Variants in DDX18 observed in about 807,000 individuals in gnomAD.
DDX18 encodes the protein DEAD-box helicase 18.
A neutral mutation model predicts 73.5 loss-of-function variants in DDX18; 23 were observed. The observed-to-expected ratio is 0.31, with a 90% confidence interval of 0.23 to 0.44. The LOEUF (loss-of-function observed/expected upper bound fraction) is 0.44. Among genes scored for constraint, DDX18 ranks in the 20% least tolerant of loss-of-function variants. The pLI is 1.00. For synonymous variants in DDX18, 268 were observed against 282.7 expected (o/e 0.95, Z 0.52); for missense variants, 753 against 792.9 (o/e 0.95, Z 0.60).
At chr2:117,819,238 C>T (rs986110938) in intron 2 of DDX18, among the ~76,000 whole-genome samples, 5 of 152,172 alleles carry the variant, frequency 3.3e-5, no homozygotes, top group East Asian at 1.9e-4. Flanking sequence ...GTCAGCCAGG[C>T]AAGTGGGTTG....
rs781635021 is a variant in DDX18, at chr2:117,824,484, T to A, written c.1067-85T>A. On this transcript the variant is annotated intron_variant, in intron 7 of 13. Coordinates refer to ENST00000263239, the MANE Select transcript of DDX18 (RefSeq NM_006773.4). ...AACATCATATCTCCCATTTCTGATA[T>A]CTCTACCTAGAATATTTGTAGTTGT... 4.1e-6 allele frequency: 5 copies of A among 1,210,172 alleles called. No homozygotes were observed. In the African/African-American group the frequency reaches 7.8e-5, roughly 19 times the overall value. 75.0% of individuals were successfully genotyped at this position (1,210,172 alleles called of 1,614,324 possible). A position where few individuals can be genotyped will look rare whatever the true frequency, so the allele number is the denominator to read the frequency against.
Position 117,824,936 on chromosome 2 carries a change from C to G in DDX18, c.1207-4C>G, listed in dbSNP as rs745734977. The G allele has an allele frequency of 1.9e-6, 3 of 1,601,312 alleles. No individual in the cohort carries two copies. The highest frequency in any genetic ancestry group is 8.5e-7 in the Non-Finnish European group (1 of 1,176,326). ...TTGTATCTGTCTGCTTAAACGCTTT[C>G]TAGGGATATGTTGTTTGTCCTTCTG... is the stretch of plus-strand genomic sequence containing the variant. On this transcript the variant is annotated splice_polypyrimidine_tract_variant and splice_region_variant and intron_variant, in intron 8 of 13. Coordinates refer to ENST00000263239, the MANE Select transcript of DDX18 (RefSeq NM_006773.4).
At chr2:117,820,291 G>A (rs567799712) in intron 3 of DDX18, among the ~76,000 whole-genome samples, 17 of 152,200 alleles carry the variant, frequency 1.1e-4, no homozygotes, top group Non-Finnish European at 1.6e-4. Flanking sequence ...AATTGCAAAC[G>A]TTTTGGTAGT....
At position 117,825,016 on chromosome 2, in the gene DDX18, T is replaced by A; in HGVS notation, c.1283T>A (p.Leu428His). 1 of 1,614,016 alleles carries A rather than the reference T, an allele frequency of 6.2e-7. No homozygotes were observed. ...CTTAAGAAGAACCGAAAGAAGAAGC[T>A]TATGGTCTTCTTTTCATCTTGTATG... ...TFLKKNRKKK[L>H]MVFFSSCMSV... Residue 428 changes from leucine (L) to histidine (H), a missense_variant, in exon 9 of 14, where the codon CTT becomes CAT. This residue lies in a region of DDX18 where 402 missense variants were observed against 419.4 expected (regional missense o/e 0.96). Coordinates refer to ENST00000263239, the MANE Select transcript of DDX18 (RefSeq NM_006773.4).
Position 117,832,142 on chromosome 2 carries a change from T to C in DDX18, c.*1418T>C, listed in dbSNP as rs950413768. On this transcript the variant is annotated 3_prime_UTR_variant, in exon 14 of 14. Transcript: ENST00000263239. ...ATAATTCTCTCCACGATCATGTTTT[T>C]CTGATTTTTTTTTTCAGAAATAATG... 1 of 152,012 alleles carries C rather than the reference T, an allele frequency of 6.6e-6. No homozygotes were observed. Among genetic ancestry groups the C allele is most frequent in the Non-Finnish European group, 1.5e-5 (1 of 68,004 alleles). 9.4% of individuals were successfully genotyped at this position (152,012 alleles called of 1,614,324 possible). A position where few individuals can be genotyped will look rare whatever the true frequency, so the allele number is the denominator to read the frequency against.
intron 3 of DDX18, 82 bp from the exon 4 acceptor site, chr2:117,821,079 G>A: frequency 7.2e-7 from 1 of 1,382,518 alleles, no homozygotes; most frequent in South Asian, 1.7e-5. Flanking sequence ...GCTTTTCTAA[G>A]CAAAATAGAT....
At chr2:117,829,609 C>T (rs1679989345) in intron 13 of DDX18, 143 bp downstream of exon 13, 1 of 810,558 alleles carries the variant, frequency 1.2e-6, no homozygotes, top group Non-Finnish European at 2.0e-6. Flanking sequence ...GTCTGCTTTT[C>T]TGTGCTAGCA....
chr2:117,821,993 G>C lies in DDX18; in HGVS notation c.883G>C (p.Ala295Pro). The C allele has an allele frequency of 6.2e-7, 1 of 1,614,060 alleles. No homozygotes were observed. Among genetic ancestry groups the C allele is most frequent in the Non-Finnish European group, 8.5e-7 (1 of 1,179,956 alleles). Residue 295 changes from alanine (A) to proline (P), a missense_variant, in exon 6 of 14, where the codon GCA (alanine) becomes CCA (proline). Transcript: ENST00000263239. ...GGGTGGCAGTAACAGATCTGCTGAA[G>C]CACAGAAACTTGGTAATGGGATCAA... ...IMGGSNRSAE[A>P]QKLGNGINII...
rs774437819 is a variant in DDX18, at chr2:117,824,622, C to G, written c.1120C>G (p.Leu374Val). The G allele has an allele frequency of 6.0e-6, 9 of 1,501,118 alleles. No homozygotes were observed. The African/African-American group carries it at 1.1e-4, about 19-fold the overall frequency. 93.0% of individuals were successfully genotyped at this position (1,501,118 alleles called of 1,614,324 possible). The change falls in exon 8 of 14, where the codon CTG becomes GTG. Residue 374 changes from leucine (L) to valine (V), a missense_variant. Physicochemically the swap from Leu to Val is conservative, Grantham distance 32. This residue lies in a region of DDX18 where 402 missense variants were observed against 419.4 expected (regional missense o/e 0.96). Coordinates refer to ENST00000263239, the MANE Select transcript of DDX18 (RefSeq NM_006773.4). ...SATQTRKVED[L>V]ARISLKKEPL... ...CACCCAAACTCGAAAAGTTGAAGAC[C>G]TGGCAAGGATTTCTCTGAAAAAGGA...
At chr2:117,825,297 C>A in intron 9 of DDX18, 150 bp from the exon 10 acceptor site, 1 of 1,184,034 alleles carries the variant, frequency 8.4e-7, no homozygotes, top group Non-Finnish European at 1.2e-6. Context: ...AAGACACCAT[C>A]CTCCTTGAGG....
In DDX18 at chr2:117,819,801, C is replaced by T. The variant is rs1679816617; in HGVS notation, c.514+9C>T. The T allele has an allele frequency of 6.4e-7, 1 of 1,556,428 alleles. No individual in the cohort carries two copies. On this transcript the variant is annotated intron_variant, in intron 3 of 13. Transcript: ENST00000263239. ...GCCCCTGGGACTGACAGGTAACGTC[C>T]AGGAAGTTTTCTAGAGGTAACTTCT...
At position 117,825,555 on chromosome 2, in the gene DDX18, G is replaced by T; in HGVS notation, c.1477G>T (p.Glu493Ter). 1 of 1,614,158 alleles carries T rather than the reference G, an allele frequency of 6.2e-7. No homozygotes were observed. The highest frequency in any genetic ancestry group is 8.5e-7 in the Non-Finnish European group (1 of 1,180,014). Residue 493 changes from glutamate (E) to a stop codon, truncating the protein, a stop_gained, in exon 10 of 14, where the codon GAA (glutamate) becomes TAA (stop). Transcript: ENST00000263239. LOFTEE classifies it high-confidence loss of function. Reference protein sequence around the residue: ...DVAARGLDIPEVDWIVQYDPP... With the variant: ...DVAARGLDIP ...GGCAGCGAGAGGACTAGACATTCCTGAAGTCGACTGGATTGTTCAGTATGA... is the reference window on the plus strand; with the variant it reads ...GGCAGCGAGAGGACTAGACATTCCTTAAGTCGACTGGATTGTTCAGTATGA...
intron 11 of DDX18, 39 bp downstream of exon 11, chr2:117,826,421 AGG>A (rs1275844637): frequency 6.4e-7 from 1 of 1,573,266 alleles, no homozygotes; most frequent in Non-Finnish European, 8.7e-7. Context: ...CTCTTGGTGT[AGG>A]GATTGTTAGC....
At position 117,831,737 on chromosome 2, in the gene DDX18, T is replaced by C. The variant is rs567578002; in HGVS notation, c.*1013T>C. Reference sequence around the variant, plus strand: ...ACAAAAAATACATTTGCTGTGAAGATTGAAAATGAACAAAGTTAGAAAAAA... The same window carrying C: ...ACAAAAAATACATTTGCTGTGAAGACTGAAAATGAACAAAGTTAGAAAAAA... On this transcript the variant is annotated 3_prime_UTR_variant, in exon 14 of 14. Transcript: ENST00000263239. 6.6e-6 allele frequency: 1 copy of C among 152,262 alleles called. No individual in the cohort carries two copies. Among genetic ancestry groups the C allele is most frequent in the East Asian group, 1.9e-4 (1 of 5,182 alleles). 9.4% of individuals were successfully genotyped at this position (152,262 alleles called of 1,614,324 possible).
intron 9 of DDX18, 96 bp downstream of exon 9, chr2:117,825,197 T>C (rs1394622070): frequency 1.4e-6 from 2 of 1,458,102 alleles, no homozygotes. Context: ...GGAAACATTG[T>C]TCTGAGTAGT....
Position 117,824,645 on chromosome 2 carries a change from G to T in DDX18, c.1143G>T (p.Lys381Asn), listed in dbSNP as rs1679895541. The change falls in exon 8 of 14, where the codon AAG becomes AAT. Residue 381 changes from lysine (K) to asparagine (N), a missense_variant. Lys to Asn is a moderately conservative substitution (Grantham distance 94, BLOSUM62 0). Around this residue, in one of 3 missense-constraint regions of DDX18, gnomAD observed 402 missense variants for 419.4 expected, o/e 0.96. Coordinates refer to ENST00000263239, the MANE Select transcript of DDX18 (RefSeq NM_006773.4). ...ACCTGGCAAGGATTTCTCTGAAAAA[G>T]GAGCCATTGTATGTTGGCGTTGATG... Reference protein sequence around the residue: ...VEDLARISLKKEPLYVGVDDD... With the variant: ...VEDLARISLKNEPLYVGVDDD... 6.7e-7 allele frequency: 1 copy of T among 1,496,818 alleles called. No individual in the cohort carries two copies. The highest frequency in any genetic ancestry group is 2.5e-5 in the East Asian group (1 of 40,076). The allele number at this position is 1,496,818 out of a possible 1,614,324, so 92.7% of individuals were successfully genotyped here.
chr2:117,822,097 G>A lies in DDX18; in HGVS notation c.951+36G>A, dbSNP rs780401853. On this transcript the variant is annotated intron_variant, in intron 6 of 13. Transcript: ENST00000263239. ...TAGTGCTTGTCTCATTGTCTTGTAT[G>A]AAACATAAACTGACAACTAATGGTT... 3 of 1,613,798 alleles carry A rather than the reference G, an allele frequency of 1.9e-6. No individual in the cohort carries two copies. In the South Asian group the frequency reaches 3.3e-5, roughly 18 times the overall value.
chr2:117,826,656 C>T (rs1228693082), intron 11 of DDX18: 6 of 426,572 alleles, frequency 1.4e-5, no homozygotes, highest in East Asian at 4.3e-5. Flanking sequence ...TTGAAACCTT[C>T]TCCACTCCTT....
chr2:117,830,884 T>C lies in DDX18; in HGVS notation c.*160T>C. 1 of 759,232 alleles carries C rather than the reference T, an allele frequency of 1.3e-6. No homozygotes were observed. The highest frequency in any genetic ancestry group is 2.1e-6 in the Non-Finnish European group (1 of 484,322). The allele number at this position is 759,232 out of a possible 1,614,324, so 47.0% of individuals were successfully genotyped here. A position where few individuals can be genotyped will look rare whatever the true frequency, so the allele number is the denominator to read the frequency against. ...ACTGAGCACTGTTACTTCTATCACG[T>C]CTCTCTTTTATTTCTGGGATATAAA... is the stretch of plus-strand genomic sequence containing the variant. On this transcript the variant is annotated 3_prime_UTR_variant, in exon 14 of 14. Coordinates refer to ENST00000263239, the MANE Select transcript of DDX18 (RefSeq NM_006773.4).
Sources: gnomAD v4.1 joint callset for allele counts (sites outside exome capture counted in the v4.1 genomes callset) on GRCh38, gnomAD v4.1.1 for gene constraint, gnomAD v4.1.1 regional missense constraint, MANE v1.5 for transcripts, NCBI Gene and HGNC (gene_info 2026-07-23, HGNC 2026-07-21) for gene names.